Variants in TTC13 observed in about 807,000 individuals in gnomAD.
TTC13 encodes the protein tetratricopeptide repeat domain 13.
Under a neutral mutation model 120.0 loss-of-function variants are expected in TTC13, and 62 were observed. That is an observed-to-expected ratio of 0.52 (90% CI 0.42 to 0.64). The LOEUF is 0.64. TTC13 is among the 30% of genes least tolerant of loss of function. The probability of loss-of-function intolerance (pLI) is 0.00; values close to 1 mark genes in which losing one functional copy is unlikely to be tolerated. For synonymous variants in TTC13, 384 were observed against 393.5 expected (o/e 0.98, Z 0.28); for missense variants, 824 against 1,050.2 (o/e 0.78, Z 2.98).
intron 4 of TTC13, among the ~76,000 whole-genome samples, chr1:230,947,723 G>A (rs185846280): frequency 6.6e-6 from 1 of 152,214 alleles, no homozygotes; most frequent in Non-Finnish European, 1.5e-5. Flanking sequence ...GATTTGTTAT[G>A]GTTCAAAATA....
At chr1:230,909,576 G>A (rs1008628144) in intron 20 of TTC13, among the ~76,000 whole-genome samples, 1 of 152,228 alleles carries the variant, frequency 6.6e-6, no homozygotes, top group Admixed American at 6.5e-5. Context: ...AGGTTGCAGT[G>A]AGCCGAGATC....
At chr1:230,967,389 T>G (rs921590070) in intron 1 of TTC13, among the ~76,000 whole-genome samples, 1 of 141,812 alleles carries the variant, frequency 7.1e-6, no homozygotes, top group Middle Eastern at 3.3e-3. Context: ...ATAAAAGAAG[T>G]ATTTTCCTAT....
chr1:230,912,953 T>C (rs1220712043), intron 18 of TTC13, among the ~76,000 whole-genome samples, 195 bp from the exon 19 acceptor site: 1 of 152,220 alleles, frequency 6.6e-6, no homozygotes, highest in Non-Finnish European at 1.5e-5. Context: ...AATGTGATAG[T>C]TGCCTCACCT....
intron 1 of TTC13, among the ~76,000 whole-genome samples, chr1:230,966,335 C>CA (rs371393690): frequency 3.7e-4 from 56 of 151,958 alleles, no homozygotes; most frequent in African/African-American, 1.3e-3. Context: ...AGTTCCAAAA[C>CA]AAAAAAATCT....
In TTC13 at chr1:230,954,321, A is replaced by T. The variant is rs773384967; in HGVS notation, c.513+12T>A. The stretch of plus-strand genomic sequence containing the variant: ...ATAAACTCAAAATTACATAAATAAG[A>T]AGAAAATTTACCTGAAGCATTGTTG... On this transcript the variant is annotated intron_variant, in intron 4 of 22. Transcript: ENST00000366661. The T allele has an allele frequency of 1.0e-5, 16 of 1,604,812 alleles. No individual in the cohort carries two copies. Among genetic ancestry groups the T allele is most frequent in the Non-Finnish European group, 1.4e-5 (16 of 1,173,262 alleles).
At chr1:230,968,320 T>C (rs1677350827) in intron 1 of TTC13, among the ~76,000 whole-genome samples, 1 of 92,278 alleles carries the variant, frequency 1.1e-5, no homozygotes, top group African/African-American at 4.9e-5. Context: ...AACTTCTTAA[T>C]CATTCTTTTT....
intron 1 of TTC13, among the ~76,000 whole-genome samples, chr1:230,965,482 G>A (rs1037730233): frequency 2.0e-5 from 3 of 152,210 alleles, no homozygotes; most frequent in Admixed American, 6.5e-5. Context: ...AAATGCTGGT[G>A]AGGATATGGA....
chr1:230,964,492 G>C (rs1056013075), intron 1 of TTC13, among the ~76,000 whole-genome samples: 15 of 151,906 alleles, frequency 9.9e-5, no homozygotes, highest in African/African-American at 3.6e-4. Flanking sequence ...TTGGTTTATT[G>C]GCCATTTGTA....
At chr1:230,907,629 C>T (rs894468347) in intron 22 of TTC13, among the ~76,000 whole-genome samples, 14 of 152,212 alleles carry the variant, frequency 9.2e-5, no homozygotes, top group African/African-American at 3.1e-4. Flanking sequence ...TGTACCAGGA[C>T]AAGGTGTAAC....
At chr1:230,947,720 T>C (rs528564107) in intron 4 of TTC13, among the ~76,000 whole-genome samples, 2 of 152,304 alleles carry the variant, frequency 1.3e-5, no homozygotes, top group South Asian at 4.1e-4. Flanking sequence ...TCAGATTTGT[T>C]ATGGTTCAAA....
chr1:230,911,289 A>T, intron 20 of TTC13, 181 bp downstream of exon 20: 1 of 494,710 alleles, frequency 2.0e-6, no homozygotes, highest in Non-Finnish European at 3.6e-6. Context: ...ACTGTCTTCT[A>T]TAATTCTTTT....
At chr1:230,961,985 C>T (rs559752199) in intron 1 of TTC13, among the ~76,000 whole-genome samples, 59 of 151,778 alleles carry the variant, frequency 3.9e-4, no homozygotes, top group Non-Finnish European at 5.9e-4. Flanking sequence ...TCAAGGTGGG[C>T]GGATCACCTA....
chr1:230,911,949 G>C (rs1671552136), intron 19 of TTC13, among the ~76,000 whole-genome samples: 1 of 152,160 alleles, frequency 6.6e-6, no homozygotes, highest in Admixed American at 6.5e-5. Context: ...ACTCCGCATT[G>C]AGATTTGGAT....
chr1:230,974,059 A>T (rs1469303256), intron 1 of TTC13, among the ~76,000 whole-genome samples: 2 of 150,216 alleles, frequency 1.3e-5, no homozygotes, highest in African/African-American at 2.5e-5. Flanking sequence ...CCTGGGTGAC[A>T]GGGCGATACT....
At chr1:230,919,528 T>G (rs908853778) in intron 17 of TTC13, among the ~76,000 whole-genome samples, 4 of 152,214 alleles carry the variant, frequency 2.6e-5, no homozygotes, top group African/African-American at 9.6e-5. Context: ...GGGAACACAT[T>G]CAAACGATGG....
chr1:230,934,338 A>G (rs1487662427), intron 8 of TTC13, among the ~76,000 whole-genome samples: 1 of 152,214 alleles, frequency 6.6e-6, no homozygotes, highest in Non-Finnish European at 1.5e-5. Context: ...ACAAGCAAAA[A>G]GGCTCCTAGA....
chr1:230,953,306 C>T (rs888495677), intron 4 of TTC13, among the ~76,000 whole-genome samples: 2 of 152,052 alleles, frequency 1.3e-5, no homozygotes, highest in African/African-American at 4.8e-5. Context: ...GTATAATTAA[C>T]CTTATTTTTA....
At chr1:230,928,353 T>A (rs768462109) in intron 12 of TTC13, among the ~76,000 whole-genome samples, 6 of 152,242 alleles carry the variant, frequency 3.9e-5, no homozygotes, top group Non-Finnish European at 8.8e-5. Flanking sequence ...CTTGTAAGAT[T>A]TACTTCTAAG....
In TTC13 at chr1:230,933,874, T is replaced by A; in HGVS notation, c.901-13A>T. 6.6e-7 allele frequency: 1 copy of A among 1,522,692 alleles called. No homozygotes were observed. The highest frequency in any genetic ancestry group is 9.0e-7 in the Non-Finnish European group (1 of 1,116,064). 94.3% of individuals were successfully genotyped at this position (1,522,692 alleles called of 1,614,324 possible). On this transcript the variant is annotated splice_polypyrimidine_tract_variant and intron_variant, in intron 8 of 22. Coordinates refer to ENST00000366661, the MANE Select transcript of TTC13 (RefSeq NM_024525.5). ...ATTCAATAGCTTCCTATAAAAAGTGTAGAGAAAATTATTTCATTTGCATAA... is the reference window on the plus strand; with the variant it reads ...ATTCAATAGCTTCCTATAAAAAGTGAAGAGAAAATTATTTCATTTGCATAA...
Sources: gnomAD v4.1 joint callset for allele counts (sites outside exome capture counted in the v4.1 genomes callset) on GRCh38, gnomAD v4.1.1 for gene constraint, MANE v1.5 for transcripts, NCBI Gene and HGNC (gene_info 2026-07-23, HGNC 2026-07-21) for gene names.